MAML3: variants seen among roughly 807,000 people sequenced by gnomAD.
The protein encoded by MAML3 is mastermind-like protein 3.
MAML3 carries 27 observed loss-of-function variants against 101.9 expected under a neutral mutation model. The observed-to-expected ratio is 0.27, with a 90% CI of 0.20 to 0.37. The LOEUF is 0.37. Ranked by LOEUF, MAML3 falls within the 10% of genes least tolerant of loss-of-function variation. The pLI, the probability that MAML3 is intolerant of heterozygous loss-of-function variation, is 1.00. For missense variants in MAML3, 1,316 were observed against 1,444.9 expected, an observed-to-expected ratio of 0.91 and a Z score of 1.45; for synonymous variants, 501 against 555.9, an observed-to-expected ratio of 0.90 and a Z score of 1.39.
chr4:140,050,317 A>C (rs1727246676), intron 1 of MAML3, among the ~76,000 whole-genome samples: 1 of 151,850 alleles, frequency 6.6e-6, no homozygotes, highest in Admixed American at 6.6e-5. Context: ...ATGGGAAAGC[A>C]TCCTTCTTTC....
chr4:140,111,292 T>G lies in MAML3; in HGVS notation c.468+41568A>C, dbSNP rs557246223. On this transcript the variant is annotated intron_variant, in intron 1 of 4. Transcript: ENST00000509479. ...CACCTTGGGCCACCTCCTTGTTCAT[T>G]AGCAGTCCTCAGAGGAGGCTGGAAA... is the stretch of plus-strand genomic sequence containing the variant. Among the ~76,000 whole-genome samples, 35 of 152,308 alleles carry G rather than the reference T, an allele frequency of 2.3e-4. 2 individuals are homozygous for G. In the South Asian group the frequency reaches 7.3e-3, roughly 32 times the overall value.
At chr4:139,871,812 C>T (rs983446670) in intron 2 of MAML3, among the ~76,000 whole-genome samples, 4 of 152,138 alleles carry the variant, frequency 2.6e-5, no homozygotes, top group African/African-American at 7.2e-5. Context: ...ACAGTGCTGA[C>T]GTCTTTTTAA....
chr4:139,946,919 ACACACACT>A (rs1416022372), intron 1 of MAML3, among the ~76,000 whole-genome samples: 15 of 76,274 alleles, frequency 2.0e-4, no homozygotes, highest in African/African-American at 4.7e-4. Context: ...ACACACACAC[ACACACACT>A]CTCTCTCTCT....
intron 2 of MAML3, among the ~76,000 whole-genome samples, chr4:139,845,560 A>G (rs531785134): frequency 6.6e-6 from 1 of 152,344 alleles, no homozygotes; most frequent in East Asian, 1.9e-4. Context: ...TCACACGGTA[A>G]ATGACATCAG....
chr4:140,148,993 T>C (rs762786587), intron 1 of MAML3, among the ~76,000 whole-genome samples: 3 of 152,226 alleles, frequency 2.0e-5, no homozygotes, highest in Non-Finnish European at 4.4e-5. Flanking sequence ...ATCACCATTT[T>C]AAAATTTTGA....
intron 2 of MAML3, among the ~76,000 whole-genome samples, chr4:139,797,511 A>C (rs1334583915): frequency 6.6e-6 from 1 of 151,850 alleles, no homozygotes; most frequent in Non-Finnish European, 1.5e-5. Context: ...TAATCCAAAC[A>C]CCACATCCTT....
intron 1 of MAML3, among the ~76,000 whole-genome samples, chr4:140,095,590 C>T (rs1728142960): frequency 6.6e-6 from 1 of 152,142 alleles, no homozygotes; most frequent in Non-Finnish European, 1.5e-5. Context: ...AATCCATCCT[C>T]CTCACTGCCC....
At chr4:139,794,042 T>C (rs1194112541) in intron 2 of MAML3, 8 of 152,252 alleles carry the variant, frequency 5.3e-5, no homozygotes, top group African/African-American at 4.8e-5. Context: ...TCCATATTCA[T>C]GGCTGTGATC....
chr4:139,915,525 T>C (rs1733009814), intron 1 of MAML3, among the ~76,000 whole-genome samples: 1 of 152,218 alleles, frequency 6.6e-6, no homozygotes, highest in African/African-American at 2.4e-5. Context: ...GTTCTGCTCT[T>C]AGTACTGTTT....
chr4:139,851,597 C>T (rs368076485), intron 2 of MAML3, among the ~76,000 whole-genome samples: 3 of 151,882 alleles, frequency 2.0e-5, no homozygotes, highest in South Asian at 2.1e-4. Flanking sequence ...TCCTACTTGG[C>T]GATATGGGGC....
chr4:139,743,043 TC>T (rs1280952245), intron 2 of MAML3, among the ~76,000 whole-genome samples: 1 of 152,158 alleles, frequency 6.6e-6, no homozygotes, highest in Non-Finnish European at 1.5e-5. Context: ...CCCTCATTTT[TC>T]CCCAAAAGCT....
chr4:140,130,844 A>G (rs1341994200), intron 1 of MAML3, among the ~76,000 whole-genome samples: 1 of 152,172 alleles, frequency 6.6e-6, no homozygotes, highest in Non-Finnish European at 1.5e-5. Flanking sequence ...GTCAGATCCA[A>G]ACCTTGCTTT....
At chr4:139,867,870 T>C (rs1441184204) in intron 2 of MAML3, among the ~76,000 whole-genome samples, 1 of 152,248 alleles carries the variant, frequency 6.6e-6, no homozygotes, top group African/African-American at 2.4e-5. Context: ...CCACACTGCC[T>C]TCACAGCCCC....
chr4:140,143,858 C>A (rs960563982), intron 1 of MAML3, among the ~76,000 whole-genome samples: 1 of 152,204 alleles, frequency 6.6e-6, no homozygotes, highest in African/African-American at 2.4e-5. Flanking sequence ...GCTAGGATGG[C>A]GCTGCCATGC....
chr4:139,899,774 A>G (rs1732680696), intron 1 of MAML3, among the ~76,000 whole-genome samples: 1 of 152,248 alleles, frequency 6.6e-6, no homozygotes, highest in Non-Finnish European at 1.5e-5. Context: ...AATGAATTTG[A>G]ATTTTAAAAT....
At chr4:139,915,237 G>A (rs1733004007) in intron 1 of MAML3, among the ~76,000 whole-genome samples, 1 of 152,224 alleles carries the variant, frequency 6.6e-6, no homozygotes, top group African/African-American at 2.4e-5. Context: ...GTTGGCAACA[G>A]CAGCAGGTTA....
chr4:139,781,817 G>A (rs1730221727), intron 2 of MAML3, among the ~76,000 whole-genome samples: 1 of 152,062 alleles, frequency 6.6e-6, no homozygotes, highest in Admixed American at 6.6e-5. Context: ...GAAAATATCT[G>A]GCACCCTAAG....
chr4:140,114,947 T>C (rs1052483682), intron 1 of MAML3, among the ~76,000 whole-genome samples: 13 of 152,192 alleles, frequency 8.5e-5, no homozygotes, highest in Admixed American at 6.5e-5. Context: ...TCTTTTGCAC[T>C]AAGATGTTCA....
intron 2 of MAML3, among the ~76,000 whole-genome samples, chr4:139,757,165 G>A (rs1248477016): frequency 1.3e-5 from 2 of 152,082 alleles, no homozygotes; most frequent in South Asian, 2.1e-4. Flanking sequence ...GAATCAGGGC[G>A]TTTTACCTCC....
Sources: gnomAD v4.1 joint callset for allele counts (sites outside exome capture counted in the v4.1 genomes callset) on GRCh38, gnomAD v4.1.1 for gene constraint, MANE v1.5 for transcripts, NCBI Gene and HGNC (gene_info 2026-07-23, HGNC 2026-07-21) for gene names.